The following MCCC2 variants were observed in gnomAD, a reference collection of about 807,000 sequenced individuals.
The protein encoded by MCCC2 is methylcrotonoyl-CoA carboxylase beta chain, mitochondrial.
In MCCC2, 52 loss-of-function variants were observed where a neutral mutation model predicts 77.2. The observed-to-expected ratio is 0.67, with a 90% confidence interval of 0.54 to 0.85. The LOEUF (loss-of-function observed/expected upper bound fraction) is 0.85, where lower values mean the gene tolerates loss of function less well. MCCC2 is among the 40% of genes least tolerant of loss of function. The pLI, the probability that MCCC2 is intolerant of heterozygous loss-of-function variation, is 0.00. For synonymous variants in MCCC2, 253 were observed against 248.4 expected, an observed-to-expected ratio of 1.02 and a Z score of -0.18; for missense variants, 682 against 703.2, an observed-to-expected ratio of 0.97 and a Z score of 0.34.
chr5:71,647,790 T>C (rs1747311666), intron 13 of MCCC2, among the ~76,000 whole-genome samples: 1 of 152,158 alleles, frequency 6.6e-6, no homozygotes, highest in African/African-American at 2.4e-5. Context: ...GTACCTCTGA[T>C]TTTTTCCTTT....
At position 71,652,558 on chromosome 5, in the gene MCCC2, T is replaced by G. The variant is rs6888301; in HGVS notation, c.1489-111T>G. On this transcript the variant is annotated intron_variant, in intron 15 of 16. Transcript: ENST00000340941. ...AATTTATACATCACTATGCACATGT[T>G]AGATGTAACATTATTATTCATGACA... The G allele has an allele frequency of 0.85, 714,732 of 836,666 alleles. 309,342 individuals carry two copies. The highest frequency in any genetic ancestry group is 0.97 in the East Asian group (37,084 of 38,158). The allele number at this position is 836,666 out of a possible 1,614,324, so 51.8% of individuals were successfully genotyped here.
intron 6 of MCCC2, among the ~76,000 whole-genome samples, chr5:71,620,924 C>T (rs1462291404): frequency 2.0e-5 from 3 of 152,092 alleles, no homozygotes; most frequent in Non-Finnish European, 2.9e-5. Context: ...ACTGGGTGGA[C>T]GGTAGTCTCT....
At chr5:71,650,641 TTTTA>T (rs572499679) in intron 15 of MCCC2, among the ~76,000 whole-genome samples, 14 of 151,664 alleles carry the variant, frequency 9.2e-5, no homozygotes, top group African/African-American at 2.9e-4. Flanking sequence ...ATTTTTGTAT[TTTTA>T]TTTATTTATT....
At chr5:71,639,995 CTA>C (rs1256070403) in intron 10 of MCCC2, among the ~76,000 whole-genome samples, 1 of 152,136 alleles carries the variant, frequency 6.6e-6, no homozygotes, top group African/African-American at 2.4e-5. Context: ...GAAGTGCAAA[CTA>C]TGTAGAAAAA....
chr5:71,646,857 C>T (rs540250072), intron 13 of MCCC2, among the ~76,000 whole-genome samples: 44 of 152,218 alleles, frequency 2.9e-4, no homozygotes, highest in South Asian at 4.2e-4. Flanking sequence ...ATTTCAGGCA[C>T]GTGCTACGGT....
At chr5:71,596,225 T>C (rs1745182145) in intron 2 of MCCC2, 55 bp from the exon 3 acceptor site, 2 of 1,474,584 alleles carry the variant, frequency 1.4e-6, no homozygotes, top group East Asian at 2.3e-5. Flanking sequence ...TTTTCTGGCA[T>C]TGAGACCTTT....
chr5:71,645,112 G>C (rs1747241842), intron 12 of MCCC2, among the ~76,000 whole-genome samples: 1 of 151,966 alleles, frequency 6.6e-6, no homozygotes, highest in Non-Finnish European at 1.5e-5. Context: ...TTTCAATAGA[G>C]GAAATGTCAG....
intron 6 of MCCC2, among the ~76,000 whole-genome samples, chr5:71,612,808 C>CT (rs1384186137): frequency 2.0e-5 from 3 of 152,224 alleles, no homozygotes; most frequent in Non-Finnish European, 4.4e-5. Context: ...TCTTGAACTC[C>CT]TGGCCTCAGA....
intron 14 of MCCC2, among the ~76,000 whole-genome samples, chr5:71,649,853 C>T (rs1013485002): frequency 6.6e-6 from 1 of 152,176 alleles, no homozygotes; most frequent in Non-Finnish European, 1.5e-5. Flanking sequence ...CCCAGAATTA[C>T]ATGGAGAACT....
At chr5:71,647,392 G>T (rs555267542) in intron 13 of MCCC2, among the ~76,000 whole-genome samples, 4 of 152,146 alleles carry the variant, frequency 2.6e-5, no homozygotes, top group Admixed American at 2.0e-4. Context: ...AGCCTAAGAG[G>T]GTCCTGCATG....
At chr5:71,591,377 A>G (rs538514344) in intron 1 of MCCC2, among the ~76,000 whole-genome samples, 2 of 151,918 alleles carry the variant, frequency 1.3e-5, no homozygotes, top group East Asian at 1.9e-4. Flanking sequence ...CTCACTGTCA[A>G]TATTTCCTTG....
intron 1 of MCCC2, among the ~76,000 whole-genome samples, chr5:71,588,444 A>G (rs1744846247): frequency 6.6e-6 from 1 of 152,258 alleles, no homozygotes; most frequent in African/African-American, 2.4e-5. Context: ...TACAGATAAC[A>G]TCTAAATAGT....
In MCCC2 at chr5:71,591,309, A is replaced by G. The variant is rs552781312; in HGVS notation, c.130-1617A>G. ...TTGTTCTAAAGTAATATGCTGACCA[A>G]ACAAAATTTAAAAATACAGAAGGGT... On this transcript the variant is annotated intron_variant, in intron 1 of 16. Transcript: ENST00000340941. Among the ~76,000 whole-genome samples the G allele has an allele frequency of 3.3e-5, 5 of 152,328 alleles. No homozygotes were observed. In the East Asian group the frequency reaches 9.6e-4, roughly 29 times the overall value.
intron 6 of MCCC2, among the ~76,000 whole-genome samples, chr5:71,622,797 G>T (rs570229988): frequency 6.6e-6 from 1 of 152,268 alleles, no homozygotes; most frequent in East Asian, 1.9e-4. Flanking sequence ...GTGCTACCCT[G>T]CTTGGCTTGT....
At chr5:71,656,647 C>A in intron 16 of MCCC2, 96 bp from the exon 17 acceptor site, 1 of 917,752 alleles carries the variant, frequency 1.1e-6, no homozygotes, top group South Asian at 1.3e-5. Flanking sequence ...CCATATATTA[C>A]CTGAAGGAAA....
At chr5:71,649,515 A>G (rs776661924) in intron 14 of MCCC2, among the ~76,000 whole-genome samples, 11 of 152,246 alleles carry the variant, frequency 7.2e-5, no homozygotes, top group Non-Finnish European at 1.5e-4. Flanking sequence ...CAGTGCAGCT[A>G]AAGTCTGGCT....
At chr5:71,614,430 A>G (rs1297679562) in intron 6 of MCCC2, among the ~76,000 whole-genome samples, 1 of 151,324 alleles carries the variant, frequency 6.6e-6, no homozygotes, top group East Asian at 1.9e-4. Context: ...GCTTGAGGCC[A>G]GGAGTTTAAG....
At chr5:71,594,913 T>A (rs1340297641) in intron 2 of MCCC2, among the ~76,000 whole-genome samples, 1 of 149,468 alleles carries the variant, frequency 6.7e-6, no homozygotes, top group Non-Finnish European at 1.5e-5. Context: ...TTTTTTTTTT[T>A]ACTGAGACGG....
intron 15 of MCCC2, 84 bp downstream of exon 15, chr5:71,650,267 C>G: frequency 8.7e-7 from 1 of 1,155,598 alleles, no homozygotes; most frequent in Non-Finnish European, 1.3e-6. Flanking sequence ...TGCCTGGAAG[C>G]CCTTGGTGTT....
Sources: gnomAD v4.1 joint callset for allele counts (sites outside exome capture counted in the v4.1 genomes callset) on GRCh38, gnomAD v4.1.1 for gene constraint, MANE v1.5 for transcripts, NCBI Gene and HGNC (gene_info 2026-07-23, HGNC 2026-07-21) for gene names.